PPFIA1: variants seen among roughly 807,000 people sequenced by gnomAD.
PPFIA1 encodes liprin-alpha-1.
Under a neutral mutation model 149.9 loss-of-function variants are expected in PPFIA1, and 25 were observed. The ratio of observed to expected loss-of-function variants is 0.17; its 90% confidence interval spans 0.12 to 0.23. The LOEUF (loss-of-function observed/expected upper bound fraction) is 0.23, where lower values mean the gene tolerates loss of function less well. Among genes scored for constraint, PPFIA1 ranks in the 10% least tolerant of loss-of-function variants. The pLI, the probability that PPFIA1 is intolerant of heterozygous loss-of-function variation, is 1.00. For synonymous variants in PPFIA1, 549 were observed against 552.8 expected, an observed-to-expected ratio of 0.99 and a Z score of 0.10; for missense variants, 1,362 against 1,506.5, an observed-to-expected ratio of 0.90 and a Z score of 1.59.
intron 8 of PPFIA1, among the ~76,000 whole-genome samples, chr11:70,330,669 A>C (rs1192301951): frequency 1.3e-5 from 2 of 152,232 alleles, no homozygotes; most frequent in Non-Finnish European, 2.9e-5. Flanking sequence ...TGACAAATGA[A>C]GTCTTGGTCG....
intron 2 of PPFIA1, among the ~76,000 whole-genome samples, chr11:70,308,632 T>TA (rs1206146691): frequency 2.0e-5 from 3 of 152,128 alleles, no homozygotes; most frequent in Non-Finnish European, 4.4e-5. Flanking sequence ...AATATTCTTT[T>TA]AAAAAATTGA....
intron 2 of PPFIA1, among the ~76,000 whole-genome samples, chr11:70,275,398 G>A (rs2050323853): frequency 6.6e-6 from 1 of 152,136 alleles, no homozygotes; most frequent in South Asian, 2.1e-4. Context: ...CACTCTCTCA[G>A]TTGTATCTTT....
At chr11:70,317,510 A>G (rs1479093645) in intron 2 of PPFIA1, among the ~76,000 whole-genome samples, 2 of 152,226 alleles carry the variant, frequency 1.3e-5, no homozygotes, top group Non-Finnish European at 2.9e-5. Flanking sequence ...GTAGTTGAAT[A>G]TATTGGGAAT....
chr11:70,379,402 G>A (rs755776128), intron 26 of PPFIA1, among the ~76,000 whole-genome samples: 3 of 151,790 alleles, frequency 2.0e-5, no homozygotes, highest in Non-Finnish European at 4.4e-5. Flanking sequence ...AGGGTGCAGT[G>A]AGCCGAGATT....
intron 10 of PPFIA1, among the ~76,000 whole-genome samples, chr11:70,335,351 T>C (rs1219772928): frequency 6.6e-6 from 1 of 152,150 alleles, no homozygotes; most frequent in Non-Finnish European, 1.5e-5. Flanking sequence ...TGGGACCTTC[T>C]AGTTAATGAC....
chr11:70,375,954 T>C (rs2057472216), intron 24 of PPFIA1, among the ~76,000 whole-genome samples: 1 of 152,128 alleles, frequency 6.6e-6, no homozygotes, highest in African/African-American at 2.4e-5. Flanking sequence ...TAAAATATTA[T>C]TATGGTTCAA....
chr11:70,310,450 A>G (rs906827138), intron 2 of PPFIA1, among the ~76,000 whole-genome samples: 4 of 150,562 alleles, frequency 2.7e-5, no homozygotes, highest in South Asian at 2.1e-4. Context: ...CAGTGGGGCA[A>G]TCTTGGCTCA....
chr11:70,283,777 C>T (rs1031852445), intron 2 of PPFIA1, among the ~76,000 whole-genome samples: 9 of 6,584 alleles, frequency 1.4e-3, no homozygotes, highest in Admixed American at 3.2e-3. Context: ...AGAAGGGGGA[C>T]GGGGGTGGGG....
intron 1 of PPFIA1, chr11:70,271,802 A>ACCCCCCCCCCCCCCCCCCCCCCCCTC (rs1189392336): frequency 1.6e-5 from 1 of 62,644 alleles, no homozygotes; most frequent in African/African-American, 6.2e-5. Context: ...CTCCCCCCCT[A>ACCCCCCCCCCCCCCCCCCCCCCCCTC]CCCCCCCACC....
At chr11:70,345,681 G>T (rs1324736672) in intron 15 of PPFIA1, among the ~76,000 whole-genome samples, 1 of 152,096 alleles carries the variant, frequency 6.6e-6, no homozygotes, top group Admixed American at 6.5e-5. Flanking sequence ...AAAAAAATGA[G>T]CCAGGTATGG....
chr11:70,380,201 A>G (rs2135479545), intron 26 of PPFIA1, among the ~76,000 whole-genome samples: 1 of 151,656 alleles, frequency 6.6e-6, no homozygotes, highest in East Asian at 2.0e-4. Context: ...TGAGGTCAGG[A>G]GTTCGAGACC....
Position 70,356,262 on chromosome 11 carries a change from TTG to T in PPFIA1, c.2582+12_2582+13del. ...TCGTAAACTTCAAAAAAAGTAAGCTTTGTGTTATTTCTTCATCTCATTGAATG... is the reference window on the plus strand; with the variant it reads ...TCGTAAACTTCAAAAAAAGTAAGCTTTGTTATTTCTTCATCTCATTGAATG... On this transcript the variant is annotated intron_variant, in intron 19 of 27. Coordinates refer to ENST00000253925, the MANE Select transcript of PPFIA1 (RefSeq NM_003626.5). 1 of 1,607,414 alleles carries T rather than the reference TTG, an allele frequency of 6.2e-7. No individual in the cohort carries two copies. The highest frequency in any genetic ancestry group is 8.5e-7 in the Non-Finnish European group (1 of 1,174,428).
At chr11:70,372,889 C>T (rs2057332667) in intron 23 of PPFIA1, among the ~76,000 whole-genome samples, 1 of 152,154 alleles carries the variant, frequency 6.6e-6, no homozygotes, top group Non-Finnish European at 1.5e-5. Flanking sequence ...AAATGCTGTT[C>T]CACACTGTTA....
chr11:70,276,529 G>A (rs2050389922), intron 2 of PPFIA1, among the ~76,000 whole-genome samples: 1 of 152,150 alleles, frequency 6.6e-6, no homozygotes, highest in Non-Finnish European at 1.5e-5. Context: ...TCAAGGTTAT[G>A]CTGGTTTCTT....
In PPFIA1 at chr11:70,270,755, G is replaced by A. The variant is rs2050015772; in HGVS notation, c.-160G>A. The A allele has an allele frequency of 6.6e-6, 1 of 150,388 alleles. No homozygotes were observed. Among genetic ancestry groups the A allele is most frequent in the African/African-American group, 2.4e-5 (1 of 41,138 alleles). The allele number at this position is 150,388 out of a possible 1,614,324, so 9.3% of individuals were successfully genotyped here. Reference sequence around the variant, plus strand: ...TCCGCCAGTGTCCGGCCGCGGGCCGGCCTTAGTGACTGGGGCGGCGGGCCC... The same window carrying A: ...TCCGCCAGTGTCCGGCCGCGGGCCGACCTTAGTGACTGGGGCGGCGGGCCC... On this transcript the variant is annotated 5_prime_UTR_variant, in exon 1 of 28. Transcript: ENST00000253925.
Position 70,362,491 on chromosome 11 carries a change from AC to A in PPFIA1, c.2865+4del. 6.3e-7 allele frequency: 1 copy of A among 1,587,418 alleles called. No homozygotes were observed. Among genetic ancestry groups the A allele is most frequent in the Non-Finnish European group, 8.6e-7 (1 of 1,164,884 alleles). On this transcript the variant is annotated splice_donor_region_variant and intron_variant, in intron 21 of 27. Transcript: ENST00000253925. ...CTGCCCCGCCCACATCTAGAACGGT[AC>A]GTTCAGAGACAACCCCTGCATTCTT...
At chr11:70,374,587 CAT>C (rs1373149631) in intron 23 of PPFIA1, 6 of 243,760 alleles carry the variant, frequency 2.5e-5, no homozygotes, top group African/African-American at 1.4e-4. Context: ...CATGTTTATA[CAT>C]GTTAGGTATT....
At chr11:70,304,355 A>T (rs770627185) in intron 2 of PPFIA1, among the ~76,000 whole-genome samples, 2 of 151,794 alleles carry the variant, frequency 1.3e-5, no homozygotes, top group Non-Finnish European at 2.9e-5. Context: ...AAAATTAGAG[A>T]TGGGATCTCA....
Position 70,372,242 on chromosome 11 carries a change from G to C in PPFIA1, c.2893G>C (p.Glu965Gln), listed in dbSNP as rs754312016. 6.2e-7 allele frequency: 1 copy of C among 1,614,112 alleles called. No individual in the cohort carries two copies. Among genetic ancestry groups the C allele is most frequent in the Non-Finnish European group, 8.5e-7 (1 of 1,180,028 alleles). ...TTLAYGDMNH[E>Q]WIGNEWLPSL... ...ACTCGCCTATGGGGACATGAACCAC[G>C]AGTGGATCGGCAACGAGTGGCTCCC... Residue 965 changes from glutamate (E) to glutamine (Q), a missense_variant, in exon 22 of 28, where the codon GAG (glutamate) becomes CAG (glutamine). Physicochemically the swap from Glu to Gln is conservative, Grantham distance 29. Transcript: ENST00000253925.
Sources: gnomAD v4.1 joint callset for allele counts (sites outside exome capture counted in the v4.1 genomes callset) on GRCh38, gnomAD v4.1.1 for gene constraint, MANE v1.5 for transcripts, NCBI Gene and HGNC (gene_info 2026-07-23, HGNC 2026-07-21) for gene names.